The following NCALD variants were observed in gnomAD, a reference collection of about 807,000 sequenced individuals.
NCALD encodes the protein neurocalcin-delta.
In NCALD, 10 loss-of-function variants were observed where a neutral mutation model predicts 18.6. That is an observed-to-expected ratio of 0.54 (90% CI 0.33 to 0.91). NCALD has a LOEUF of 0.91. Among genes scored for constraint, NCALD ranks in the 40% least tolerant of loss-of-function variants. The probability of loss-of-function intolerance (pLI) is 0.03; values close to 1 mark genes in which losing one functional copy is unlikely to be tolerated. For synonymous variants in NCALD, 88 were observed against 87.4 expected (o/e 1.01, Z -0.04); for missense variants, 184 against 247.6 (o/e 0.74, Z 1.72).
intron 2 of NCALD, among the ~76,000 whole-genome samples, chr8:101,697,108 G>T (rs1318003597): frequency 6.7e-6 from 1 of 150,134 alleles, no homozygotes; most frequent in Non-Finnish European, 1.5e-5. Flanking sequence ...AATGATAAAG[G>T]GTATATCACC....
intron 2 of NCALD, among the ~76,000 whole-genome samples, chr8:101,986,904 T>C (rs1211357210): frequency 6.6e-6 from 1 of 151,520 alleles, no homozygotes; most frequent in Non-Finnish European, 1.5e-5. Context: ...GATAAGAATG[T>C]GAGGGGAGCG....
At chr8:101,690,192 G>C in intron 3 of NCALD, 4 of 955,510 alleles carry the variant, frequency 4.2e-6, no homozygotes, top group Non-Finnish European at 5.0e-6. Context: ...GTCACTTGTG[G>C]AGAGGAGGGG....
intron 2 of NCALD, among the ~76,000 whole-genome samples, chr8:101,937,744 C>A (rs569570211): frequency 1.3e-5 from 2 of 152,296 alleles, no homozygotes; most frequent in African/African-American, 2.4e-5. Flanking sequence ...TGTATGAAGT[C>A]ATGGGATGCA....
intron 2 of NCALD, among the ~76,000 whole-genome samples, chr8:101,927,819 C>T (rs1818394282): frequency 6.6e-6 from 1 of 152,126 alleles, no homozygotes; most frequent in African/African-American, 2.4e-5. Context: ...GCTGCTCAGA[C>T]CACAGGGGAG....
intron 1 of NCALD, among the ~76,000 whole-genome samples, chr8:102,100,759 G>A (rs1233015662): frequency 2.0e-5 from 3 of 152,196 alleles, no homozygotes; most frequent in Non-Finnish European, 4.4e-5. Flanking sequence ...TACAACATGG[G>A]TGAACCTTGA....
intron 4 of NCALD, among the ~76,000 whole-genome samples, chr8:101,826,728 C>T (rs1307483456): frequency 6.6e-6 from 1 of 151,990 alleles, no homozygotes; most frequent in Non-Finnish European, 1.5e-5. Context: ...TGTTATTTAC[C>T]AAATAGACTT....
At chr8:101,934,276 G>A (rs932463983) in intron 2 of NCALD, among the ~76,000 whole-genome samples, 1 of 152,116 alleles carries the variant, frequency 6.6e-6, no homozygotes, top group Non-Finnish European at 1.5e-5. Flanking sequence ...CCAACCTAAG[G>A]ACTGAAGAAA....
chr8:101,725,639 C>G (rs948110186), intron 1 of NCALD, among the ~76,000 whole-genome samples: 6 of 152,212 alleles, frequency 3.9e-5, no homozygotes, highest in Non-Finnish European at 7.3e-5. Context: ...CCACTAGACA[C>G]TGCTGTGGGG....
rs970589639 is a variant in NCALD, at chr8:102,042,463, C to G, written c.-209-22174G>C. ...GACTTTGTGGATGCAGATCCTAAAG[C>G]AGGTGATACACTGCGGCTTCTGACA... is the stretch of plus-strand genomic sequence containing the variant. On this transcript the variant is annotated intron_variant, in intron 1 of 6. Coordinates refer to the NCALD transcript ENST00000311028. Among the ~76,000 whole-genome samples the G allele has an allele frequency of 2.0e-5, 3 of 151,956 alleles. No individual in the cohort carries two copies. The East Asian group carries it at 5.8e-4, about 29-fold the overall frequency.
At chr8:101,806,759 A>G (rs953768282) in intron 4 of NCALD, among the ~76,000 whole-genome samples, 2 of 152,178 alleles carry the variant, frequency 1.3e-5, no homozygotes, top group Admixed American at 6.5e-5. Context: ...GCACCTATGC[A>G]CACAATTCCC....
chr8:102,017,658 G>A (rs1015428806), intron 2 of NCALD, among the ~76,000 whole-genome samples: 3 of 152,196 alleles, frequency 2.0e-5, no homozygotes, highest in African/African-American at 4.8e-5. Flanking sequence ...TAGCACCACT[G>A]CACTCCAGCC....
intron 1 of NCALD, among the ~76,000 whole-genome samples, chr8:102,096,567 T>C (rs538695940): frequency 2.0e-5 from 3 of 152,358 alleles, no homozygotes; most frequent in Admixed American, 6.5e-5. Context: ...CTCTGATTGG[T>C]TGATTTTTGC....
chr8:101,741,959 G>GAAAAAAA (rs3028654), intron 1 of NCALD, among the ~76,000 whole-genome samples: 3 of 121,712 alleles, frequency 2.5e-5, no homozygotes, highest in East Asian at 2.4e-4. Flanking sequence ...AAAAAGAAAA[G>GAAAAAAA]AAAAAAAAAA....
intron 1 of NCALD, among the ~76,000 whole-genome samples, chr8:101,720,211 A>T (rs1816287296): frequency 6.6e-6 from 1 of 152,186 alleles, no homozygotes; most frequent in Non-Finnish European, 1.5e-5. Context: ...ACCTAATACC[A>T]CCAAACTCCA....
chr8:101,918,298 C>G (rs111877853), intron 2 of NCALD, among the ~76,000 whole-genome samples: 1 of 151,900 alleles, frequency 6.6e-6, no homozygotes, highest in African/African-American at 2.4e-5. Context: ...TGATAAAACC[C>G]CTCAAGAAAC....
intron 4 of NCALD, among the ~76,000 whole-genome samples, chr8:101,834,410 C>T (rs1814321007): frequency 6.6e-6 from 1 of 152,250 alleles, no homozygotes; most frequent in Admixed American, 6.5e-5. Flanking sequence ...CCACTGGCGA[C>T]TCAGCTATTC....
At chr8:101,820,603 T>C (rs1813681331) in intron 4 of NCALD, among the ~76,000 whole-genome samples, 2 of 152,206 alleles carry the variant, frequency 1.3e-5, no homozygotes, top group Admixed American at 1.3e-4. Flanking sequence ...AAAATTGATA[T>C]CCAGTCTCTA....
At chr8:101,695,158 G>C (rs529937122) in intron 2 of NCALD, among the ~76,000 whole-genome samples, 1 of 152,272 alleles carries the variant, frequency 6.6e-6, no homozygotes, top group East Asian at 1.9e-4. Context: ...TTTAGAAATT[G>C]GCATCCCTGC....
At position 101,688,511 on chromosome 8, in the gene NCALD, T is replaced by C; in HGVS notation, c.*798A>G. The stretch of plus-strand genomic sequence containing the variant: ...AGATTGTATTAGTGCTCACTAAACA[T>C]GCATTTCATTTAAACAAGGCAAAAC... On this transcript the variant is annotated 3_prime_UTR_variant, in exon 4 of 4. Transcript: ENST00000220931. 2.8e-6 allele frequency: 1 copy of C among 358,018 alleles called. No homozygotes were observed. The highest frequency in any genetic ancestry group is 3.6e-5 in the Admixed American group (1 of 27,868). The allele number at this position is 358,018 out of a possible 1,614,324, so 22.2% of individuals were successfully genotyped here.
Sources: gnomAD v4.1 joint callset for allele counts (sites outside exome capture counted in the v4.1 genomes callset) on GRCh38, gnomAD v4.1.1 for gene constraint, MANE v1.5 for transcripts, NCBI Gene and HGNC (gene_info 2026-07-23, HGNC 2026-07-21) for gene names.